Variants in AP1G1 observed in about 807,000 individuals in gnomAD.
AP1G1 encodes adaptor related protein complex 1 subunit gamma 1, also known as AP-1 complex subunit gamma-1.
Under a neutral mutation model 108.3 loss-of-function variants are expected in AP1G1, and 7 were observed. The observed-to-expected ratio is 0.06, with a 90% CI of 0.04 to 0.12. The LOEUF (loss-of-function observed/expected upper bound fraction) is 0.12, where lower values mean the gene tolerates loss of function less well. Ranked by LOEUF, AP1G1 falls within the 10% of genes least tolerant of loss-of-function variation. The pLI is 1.00. For synonymous variants in AP1G1, 379 were observed against 353.5 expected, an observed-to-expected ratio of 1.07 and a Z score of -0.81; for missense variants, 756 against 1,010.7, an observed-to-expected ratio of 0.75 and a Z score of 3.42.
rs1237176855 is a variant in AP1G1, at chr16:71,730,244, C to G, written c.*2814G>C. The G allele has an allele frequency of 6.6e-6, 1 of 152,576 alleles. No homozygotes were observed. The highest frequency in any genetic ancestry group is 2.4e-5 in the African/African-American group (1 of 41,444). 9.5% of individuals were successfully genotyped at this position (152,576 alleles called of 1,614,324 possible). ...TGTGGGAGAAGCTTCTCAGGGAGAG[C>G]ACCCTTCCTACAGTTTTTTGAGATT... On this transcript the variant is annotated 3_prime_UTR_variant, in exon 23 of 23. Transcript: ENST00000299980.
intron 11 of AP1G1, among the ~76,000 whole-genome samples, chr16:71,757,224 G>T (rs1359649348): frequency 2.0e-5 from 3 of 152,128 alleles, no homozygotes; most frequent in Non-Finnish European, 4.4e-5. Context: ...GCCAAGGCAG[G>T]CAGATCACCT....
chr16:71,799,409 A>C (rs1414970715), intron 1 of AP1G1, among the ~76,000 whole-genome samples: 1 of 152,186 alleles, frequency 6.6e-6, no homozygotes, highest in Non-Finnish European at 1.5e-5. Context: ...ACAGGAAAAT[A>C]ATAAATTATG....
chr16:71,758,173 G>T (rs1476290989), intron 11 of AP1G1, among the ~76,000 whole-genome samples: 1 of 152,142 alleles, frequency 6.6e-6, no homozygotes, highest in Non-Finnish European at 1.5e-5. Context: ...AATATACTTT[G>T]TTCTAGATTT....
intron 2 of AP1G1, chr16:71,777,709 G>C (rs1008152570): frequency 8.9e-6 from 4 of 449,220 alleles, no homozygotes; most frequent in African/African-American, 2.0e-5. Context: ...CTTCCTCTTC[G>C]GGCCCGTTCT....
rs201548337 is a variant in AP1G1 at position 71,745,133 on chromosome 16, G to C, written c.1999+11C>G. 213 of 1,613,864 alleles carry C rather than the reference G, an allele frequency of 1.3e-4. 3 individuals carry two copies. In the Middle Eastern group the frequency reaches 2.3e-3, roughly 17 times the overall value. ...TTTTCCCAGGTATTAAATAGCTCCA[G>C]ACTGCCTCACCTGTAAGGTTGATGT... is the stretch of plus-strand genomic sequence containing the variant. On this transcript the variant is annotated intron_variant, in intron 19 of 22. Coordinates refer to ENST00000299980, the MANE Select transcript of AP1G1 (RefSeq NM_001128.6).
intron 19 of AP1G1, among the ~76,000 whole-genome samples, chr16:71,743,874 T>C (rs929745842): frequency 7.0e-6 from 1 of 142,748 alleles, no homozygotes; most frequent in African/African-American, 2.6e-5. Flanking sequence ...TGAACCCAGG[T>C]TGCAGAGGCT....
chr16:71,750,130 G>A, intron 14 of AP1G1, 80 bp downstream of exon 14: 2 of 1,552,832 alleles, frequency 1.3e-6, no homozygotes, highest in East Asian at 2.2e-5. Context: ...GAGAGAGGAG[G>A]GGGGAAAAAA....
intron 20 of AP1G1, 22 bp from the exon 21 acceptor site, chr16:71,739,124 A>C (rs924663404): frequency 1.2e-6 from 2 of 1,613,656 alleles, no homozygotes; most frequent in Admixed American, 3.3e-5. Flanking sequence ...CAGGAAGATA[A>C]GTCTTATTGT....
At position 71,739,105 on chromosome 16, in the gene AP1G1, G is replaced by T; in HGVS notation, c.2108-3C>A. The T allele has an allele frequency of 6.2e-7, 1 of 1,614,116 alleles. No individual in the cohort carries two copies. Among genetic ancestry groups the T allele is most frequent in the Non-Finnish European group, 8.5e-7 (1 of 1,179,998 alleles). ...GTATGCTGTGATGGAGGGGATGCCT[G>T]AGAAAGTACAGGAAGATAAGTCTTA... On this transcript the variant is annotated splice_polypyrimidine_tract_variant and splice_region_variant and intron_variant, in intron 20 of 22. Coordinates refer to ENST00000299980, the MANE Select transcript of AP1G1 (RefSeq NM_001128.6).
chr16:71,737,740 G>C (rs1328977411), intron 21 of AP1G1, among the ~76,000 whole-genome samples: 2 of 152,276 alleles, frequency 1.3e-5, no homozygotes, highest in Non-Finnish European at 2.9e-5. Context: ...AAGTCCAAGT[G>C]TGTTGTCGGA....
intron 11 of AP1G1, among the ~76,000 whole-genome samples, chr16:71,757,968 T>C (rs915677228): frequency 1.1e-4 from 16 of 152,232 alleles, no homozygotes; most frequent in African/African-American, 3.1e-4. Context: ...ATTGGCCTGC[T>C]CTGAGAACCC....
intron 4 of AP1G1, among the ~76,000 whole-genome samples, chr16:71,772,718 T>G (rs1021802208): frequency 6.6e-6 from 1 of 152,126 alleles, no homozygotes; most frequent in African/African-American, 2.4e-5. Flanking sequence ...TTTTCAAAGG[T>G]TGTAGGGTTC....
chr16:71,795,474 A>C (rs1273282404), intron 1 of AP1G1, among the ~76,000 whole-genome samples: 1 of 152,208 alleles, frequency 6.6e-6, no homozygotes, highest in Non-Finnish European at 1.5e-5. Flanking sequence ...AGAATGTTCA[A>C]GGGATGTAAG....
chr16:71,756,044 A>C lies in AP1G1; in HGVS notation c.1204T>G (p.Ser402Ala). 6.2e-7 allele frequency: 1 copy of C among 1,612,492 alleles called. No individual in the cohort carries two copies. The highest frequency in any genetic ancestry group is 1.3e-5 in the African/African-American group (1 of 74,988). Reference protein sequence around the residue: ...CEPEFKADCASGIFLAAEKYA... With the variant: ...CEPEFKADCAAGIFLAAEKYA... Reference sequence around the variant, plus strand: ...TTTTCTGCAGCAAGAAAGATTCCAGATGCACAGTCTGCTTTAAATTCTGGC... The same window carrying C: ...TTTTCTGCAGCAAGAAAGATTCCAGCTGCACAGTCTGCTTTAAATTCTGGC... Residue 402 changes from serine to alanine, a missense_variant, in exon 12 of 23, where the codon TCT becomes GCT. This residue lies in a region of AP1G1 where 357 missense variants were observed against 366.5 expected (regional missense o/e 0.97). Transcript: ENST00000299980.
At chr16:71,766,209 A>G (rs887924783) in intron 6 of AP1G1, among the ~76,000 whole-genome samples, 2 of 152,146 alleles carry the variant, frequency 1.3e-5, no homozygotes, top group Non-Finnish European at 2.9e-5. Flanking sequence ...GGCCATGAAT[A>G]ATTTCCTCTT....
At chr16:71,738,893 C>A (rs760012198) in intron 21 of AP1G1, 49 bp downstream of exon 21, 52 of 1,443,402 alleles carry the variant, frequency 3.6e-5, no homozygotes, top group East Asian at 2.4e-4. Context: ...AAAAAAAAAG[C>A]CAGCCAATCT....
intron 2 of AP1G1, among the ~76,000 whole-genome samples, chr16:71,782,037 G>C (rs1339086019): frequency 6.6e-6 from 1 of 152,208 alleles, no homozygotes; most frequent in East Asian, 1.9e-4. Context: ...AAAATGATTA[G>C]ATTCTAATTC....
chr16:71,732,907 T>TCAGC lies in AP1G1; in HGVS notation c.*147_*150dup. On this transcript the variant is annotated 3_prime_UTR_variant, in exon 23 of 23. Transcript: ENST00000299980. ...ATTAGTCTTTAACAATGCTTCAAGGTCAGCAGTAACTTTAGGAAAATCCTC... is the reference window on the plus strand; with the variant it reads ...ATTAGTCTTTAACAATGCTTCAAGGTCAGCCAGCAGTAACTTTAGGAAAATCCTC... 1 of 613,878 alleles carries TCAGC rather than the reference T, an allele frequency of 1.6e-6. No homozygotes were observed. The highest frequency in any genetic ancestry group is 2.9e-6 in the Non-Finnish European group (1 of 350,288). The allele number at this position is 613,878 out of a possible 1,614,324, so 38.0% of individuals were successfully genotyped here.
chr16:71,757,720 G>A (rs1011929838), intron 11 of AP1G1, among the ~76,000 whole-genome samples: 1 of 152,154 alleles, frequency 6.6e-6, no homozygotes, highest in Non-Finnish European at 1.5e-5. Context: ...TGGCTCCAGA[G>A]TCTAAGCTCT....
Sources: allele counts gnomAD v4.1 joint callset (sites outside exome capture counted in the v4.1 genomes callset), GRCh38; gene constraint gnomAD v4.1.1; regional missense constraint gnomAD v4.1.1; transcripts MANE v1.5; gene names NCBI Gene and HGNC (gene_info 2026-07-23, HGNC 2026-07-21).